The following RGS6 variants were observed in gnomAD, a reference collection of about 807,000 sequenced individuals.
The protein encoded by RGS6 is regulator of G-protein signaling 6.
Under a neutral mutation model 78.5 loss-of-function variants are expected in RGS6, and 30 were observed. The ratio of observed to expected loss-of-function variants is 0.38; its 90% CI spans 0.29 to 0.52. The LOEUF is 0.52. Ranked by LOEUF, RGS6 falls within the 20% of genes least tolerant of loss-of-function variation. The probability of loss-of-function intolerance (pLI) is 0.85; values close to 1 mark genes in which losing one functional copy is unlikely to be tolerated. For missense variants in RGS6, 495 were observed against 609.7 expected (o/e 0.81, Z 1.98); for synonymous variants, 206 against 206.0 (o/e 1.00, Z 0.00).
rs143928292 is a variant in RGS6, at chr14:72,407,013, T to C, written c.185-47515T>C. Among the ~76,000 whole-genome samples the C allele has an allele frequency of 1.8e-3, 276 of 152,300 alleles. 2 individuals carry two copies. The highest frequency in any genetic ancestry group is 6.2e-3 in the African/African-American group (258 of 41,574). ...ACCGGTGAGAATAACCAAAGCCACATTGGGTAATGAAAACTGTATGTACAA... is the reference window on the plus strand; with the variant it reads ...ACCGGTGAGAATAACCAAAGCCACACTGGGTAATGAAAACTGTATGTACAA... On this transcript the variant is annotated intron_variant, in intron 3 of 17. Coordinates refer to ENST00000553525, the MANE Select transcript of RGS6 (RefSeq NM_001204424.2).
chr14:72,466,978 T>C (rs1457311640), intron 7 of RGS6, among the ~76,000 whole-genome samples: 1 of 152,072 alleles, frequency 6.6e-6, no homozygotes, highest in Non-Finnish European at 1.5e-5. Context: ...ACATGAGGTA[T>C]CTACTTCCCA....
intron 2 of RGS6, among the ~76,000 whole-genome samples, chr14:72,127,615 A>T (rs568674381): frequency 6.6e-6 from 1 of 152,170 alleles, no homozygotes; most frequent in African/African-American, 2.4e-5. Flanking sequence ...CTTAAAAAAA[A>T]CCATTTAATT....
At chr14:72,539,388 A>G (rs1381273454) in intron 16 of RGS6, among the ~76,000 whole-genome samples, 10 of 152,202 alleles carry the variant, frequency 6.6e-5, no homozygotes, top group Non-Finnish European at 1.5e-4. Context: ...CCCTTTGTCC[A>G]TGGCAAAGGC....
chr14:72,181,383 C>G (rs1268788366), intron 2 of RGS6, among the ~76,000 whole-genome samples: 1 of 152,218 alleles, frequency 6.6e-6, no homozygotes, highest in Non-Finnish European at 1.5e-5. Flanking sequence ...CCAAAGTCTT[C>G]CTGATCATAA....
At chr14:72,258,772 C>A (rs763876173) in intron 2 of RGS6, among the ~76,000 whole-genome samples, 7 of 152,130 alleles carry the variant, frequency 4.6e-5, no homozygotes, top group Non-Finnish European at 8.8e-5. Flanking sequence ...TTAAAGTGGA[C>A]CTGTGGGTTT....
intron 2 of RGS6, among the ~76,000 whole-genome samples, chr14:72,319,758 A>G (rs1038305003): frequency 6.6e-6 from 1 of 152,222 alleles, no homozygotes; most frequent in East Asian, 1.9e-4. Context: ...ATCAAAGCAA[A>G]CAAAACGGAA....
chr14:72,269,657 C>T (rs1253119857), intron 2 of RGS6, among the ~76,000 whole-genome samples: 4 of 150,648 alleles, frequency 2.7e-5, no homozygotes, highest in African/African-American at 7.4e-5. Context: ...CTCTGCCTCC[C>T]GGGCTCAAGG....
chr14:72,310,010 C>T (rs1382625065), intron 2 of RGS6, among the ~76,000 whole-genome samples: 2 of 152,230 alleles, frequency 1.3e-5, no homozygotes, highest in Non-Finnish European at 2.9e-5. Flanking sequence ...CTGCCCATGT[C>T]AGCTCTTTGA....
At chr14:72,466,955 C>T (rs989507221) in intron 7 of RGS6, among the ~76,000 whole-genome samples, 3 of 152,110 alleles carry the variant, frequency 2.0e-5, no homozygotes, top group Non-Finnish European at 2.9e-5. Flanking sequence ...GAAAATAAGA[C>T]AAGATGTGTG....
chr14:72,624,109 G>T, the RGS6 span, among the ~76,000 whole-genome samples: 2 of 152,078 alleles, frequency 1.3e-5, no homozygotes, highest in African/African-American at 2.4e-5. Context: ...TTCAGAAGAT[G>T]CTAGAGAAAC....
At chr14:72,035,977 G>C (rs1045783648) in intron 2 of RGS6, among the ~76,000 whole-genome samples, 1 of 151,718 alleles carries the variant, frequency 6.6e-6, no homozygotes, top group Non-Finnish European at 1.5e-5. Flanking sequence ...AAACAGTTCC[G>C]TCACCCCAGA....
the RGS6 span, among the ~76,000 whole-genome samples, chr14:72,608,167 G>A: frequency 6.6e-6 from 1 of 152,156 alleles, no homozygotes; most frequent in African/African-American, 2.4e-5. Context: ...TGCCTCCTTG[G>A]CAAGATTGTG....
intron 2 of RGS6, among the ~76,000 whole-genome samples, chr14:72,161,934 G>A (rs1361839579): frequency 6.6e-6 from 1 of 152,126 alleles, no homozygotes; most frequent in Admixed American, 6.5e-5. Context: ...GTCTATCCAG[G>A]GTATTTGACT....
chr14:72,470,383 T>G (rs773661982), intron 8 of RGS6, among the ~76,000 whole-genome samples: 27 of 152,234 alleles, frequency 1.8e-4, no homozygotes, highest in Non-Finnish European at 3.1e-4. Context: ...TTATTTTCTG[T>G]GTTCAAAGGC....
At chr14:72,231,093 A>G (rs1226353491) in intron 2 of RGS6, among the ~76,000 whole-genome samples, 1 of 152,144 alleles carries the variant, frequency 6.6e-6, no homozygotes, top group Non-Finnish European at 1.5e-5. Context: ...GGGTCACTGG[A>G]GTCTCAAGGG....
intron 2 of RGS6, among the ~76,000 whole-genome samples, chr14:72,086,173 GT>G (rs2153485667): frequency 6.6e-6 from 1 of 152,334 alleles, no homozygotes; most frequent in African/African-American, 2.4e-5. Context: ...AAATGCAACT[GT>G]GCTGACCAGT....
chr14:71,912,324 T>C, the RGS6 span, among the ~76,000 whole-genome samples: 1 of 152,222 alleles, frequency 6.6e-6, no homozygotes, highest in African/African-American at 2.4e-5. Context: ...TCAGGGGTCC[T>C]TTTGACCAAG....
At chr14:71,965,743 A>G (rs2093470697) in intron 2 of RGS6, among the ~76,000 whole-genome samples, 1 of 152,204 alleles carries the variant, frequency 6.6e-6, no homozygotes, top group Admixed American at 6.5e-5. Context: ...TGTTATCAAG[A>G]TAGAGCGGAG....
chr14:72,267,568 A>G (rs902450939), intron 2 of RGS6, among the ~76,000 whole-genome samples: 1 of 152,256 alleles, frequency 6.6e-6, no homozygotes, highest in Non-Finnish European at 1.5e-5. Flanking sequence ...CCAGGCTCAG[A>G]GTTACAGCAA....
Sources: gnomAD v4.1 joint callset for allele counts (sites outside exome capture counted in the v4.1 genomes callset) on GRCh38, gnomAD v4.1.1 for gene constraint, MANE v1.5 for transcripts, NCBI Gene and HGNC (gene_info 2026-07-23, HGNC 2026-07-21) for gene names.